PCDH10: variants seen among roughly 807,000 people sequenced by gnomAD.
PCDH10 encodes the protein protocadherin-10.
PCDH10 carries 15 observed loss-of-function variants against 74.4 expected under a neutral mutation model. The observed-to-expected ratio is 0.20, with a 90% CI of 0.13 to 0.31. PCDH10 has a LOEUF of 0.31. Among genes scored for constraint, PCDH10 ranks in the 10% least tolerant of loss-of-function variants. The pLI is 1.00. For synonymous variants in PCDH10, 619 were observed against 589.8 expected (o/e 1.05, Z -0.72); for missense variants, 1,260 against 1,390.2 (o/e 0.91, Z 1.49).
intron 4 of PCDH10, among the ~76,000 whole-genome samples, chr4:133,185,196 A>G (rs929338195): frequency 6.7e-6 from 1 of 148,720 alleles, no homozygotes; most frequent in Non-Finnish European, 1.5e-5. Context: ...AAATATATAT[A>G]TTTAAATTTA....
downstream of PCDH10, among the ~76,000 whole-genome samples, chr4:133,198,335 A>G (rs1727834275): frequency 6.6e-6 from 1 of 152,206 alleles, no homozygotes; most frequent in Admixed American, 6.5e-5. Flanking sequence ...TGTGTGTGAG[A>G]GTTATATTTT....
chr4:133,155,130 C>A, intron 3 of PCDH10, 107 bp downstream of exon 3: 1 of 723,378 alleles, frequency 1.4e-6, no homozygotes, highest in Non-Finnish European at 2.5e-6. Flanking sequence ...AGGTCTAATG[C>A]TGGTAACTCT....
chr4:133,173,768 A>G (rs1420107561), intron 4 of PCDH10, among the ~76,000 whole-genome samples: 6 of 151,614 alleles, frequency 4.0e-5, no homozygotes, highest in African/African-American at 1.5e-4. Context: ...TTGAATTGCA[A>G]TGGAGAATGA....
chr4:133,199,403 A>AATCT (rs2125876982), downstream of PCDH10, among the ~76,000 whole-genome samples: 1 of 151,370 alleles, frequency 6.6e-6, no homozygotes, highest in East Asian at 1.9e-4. Flanking sequence ...GACTACTGTG[A>AATCT]ATCTCTAGGT....
At chr4:133,153,263 C>T (rs1328808848) in intron 1 of PCDH10, 1 of 1,010,614 alleles carries the variant, frequency 9.9e-7, no homozygotes, top group East Asian at 1.1e-4. Context: ...AGTTGTCTAA[C>T]CTCGAATTCA....
At chr4:133,207,741 G>C (rs1011703614) in intron 2 of PCDH10, among the ~76,000 whole-genome samples, 1 of 152,130 alleles carries the variant, frequency 6.6e-6, no homozygotes, top group Non-Finnish European at 1.5e-5. Context: ...TTGTGTAGTA[G>C]AATTACTTTT....
chr4:133,166,096 C>A (rs923049283), intron 4 of PCDH10, among the ~76,000 whole-genome samples: 5 of 151,566 alleles, frequency 3.3e-5, no homozygotes, highest in Non-Finnish European at 4.4e-5. Context: ...TGAGCACTTT[C>A]TGAGCTTGCT....
downstream of PCDH10, among the ~76,000 whole-genome samples, chr4:133,195,534 A>C (rs1178939893): frequency 6.6e-6 from 1 of 152,120 alleles, no homozygotes; most frequent in Admixed American, 6.6e-5. Flanking sequence ...ATGAATTTTC[A>C]GTGGTAAAAT....
Position 133,194,488 on chromosome 4 carries a change from C to A in PCDH10, c.*4328C>A, listed in dbSNP as rs1215926257. The A allele has an allele frequency of 6.6e-6, 1 of 151,768 alleles. No homozygotes were observed. Among genetic ancestry groups the A allele is most frequent in the Admixed American group, 6.6e-5 (1 of 15,202 alleles). The allele number at this position is 151,768 out of a possible 1,614,324, so 9.4% of individuals were successfully genotyped here. ...ATTATAACAAAAGATGAGTTTCAAT[C>A]TTAACTACAGTGTTTGTTACTGTGA... On this transcript the variant is annotated 3_prime_UTR_variant, in exon 5 of 5. Transcript: ENST00000264360.
intron 4 of PCDH10, among the ~76,000 whole-genome samples, chr4:133,180,093 T>C (rs1727382486): frequency 6.6e-6 from 1 of 152,120 alleles, no homozygotes; most frequent in Non-Finnish European, 1.5e-5. Flanking sequence ...CTAGTTATTT[T>C]ATTCTTTCTT....
At chr4:133,186,923 T>G (rs75914437) in intron 4 of PCDH10, among the ~76,000 whole-genome samples, 10,517 of 152,122 alleles carry the variant, frequency 0.069, 1,013 homozygotes, top group African/African-American at 0.22. Flanking sequence ...TTGACATGTT[T>G]GTCAGGCTGG....
intron 4 of PCDH10, among the ~76,000 whole-genome samples, chr4:133,185,223 T>G (rs1727519936): frequency 6.7e-6 from 1 of 149,806 alleles, no homozygotes; most frequent in South Asian, 2.1e-4. Flanking sequence ...AATCTATTCA[T>G]ACTTTCTGGG....
downstream of PCDH10, among the ~76,000 whole-genome samples, chr4:133,197,830 A>G (rs1411321092): frequency 2.0e-5 from 3 of 152,150 alleles, no homozygotes; most frequent in African/African-American, 4.8e-5. Context: ...AAGTGTTGGC[A>G]TGGTGAATTG....
Position 133,191,502 on chromosome 4 carries a change from G to T in PCDH10, c.*1342G>T, listed in dbSNP as rs1727668444. 6.6e-6 allele frequency: 1 copy of T among 152,098 alleles called. No homozygotes were observed. Among genetic ancestry groups the T allele is most frequent in the African/African-American group, 2.4e-5 (1 of 41,396 alleles). 9.4% of individuals were successfully genotyped at this position (152,098 alleles called of 1,614,324 possible). A position where few individuals can be genotyped will look rare whatever the true frequency, so the allele number is the denominator to read the frequency against. On this transcript the variant is annotated 3_prime_UTR_variant, in exon 5 of 5. Coordinates refer to ENST00000264360, the MANE Select transcript of PCDH10 (RefSeq NM_032961.3). ...TTTGATTAATGAAAAAATTCTTCAT[G>T]AGTCAGCCTTCAAAAGTTAAGCTTG...
Position 133,152,410 on chromosome 4 carries a change from G to C in PCDH10, c.2270G>C (p.Cys757Ser), listed in dbSNP as rs776905297. The C allele has an allele frequency of 1.2e-6, 2 of 1,614,166 alleles. No individual in the cohort carries two copies. Among genetic ancestry groups the C allele is most frequent in the South Asian group, 1.1e-5 (1 of 91,084 alleles). ...TATACTTGTCTGGCCAGCGATTGCT[G>C]CCTCTGCTGCTGCTGCTGCGGTGGC... is the stretch of plus-strand genomic sequence containing the variant. ...NIYTCLASDCCLCCCCCGGGG... is the reference protein window; with the variant it reads ...NIYTCLASDCSLCCCCCGGGG... The change falls in exon 1 of 5, where the codon TGC becomes TCC. Residue 757 changes from cysteine to serine, a missense_variant. Cys to Ser is a moderately radical substitution (Grantham distance 112). Transcript: ENST00000264360.
At chr4:133,183,842 A>C (rs71616772) in intron 4 of PCDH10, among the ~76,000 whole-genome samples, 3,213 of 152,198 alleles carry the variant, frequency 0.021, 134 homozygotes, top group East Asian at 0.17. Flanking sequence ...CTAGAACGAG[A>C]ATGTCTATGA....
chr4:133,190,030 A>T (rs1727626446), intron 4 of PCDH10, 111 bp from the exon 5 acceptor site: 1 of 855,886 alleles, frequency 1.2e-6, no homozygotes, highest in African/African-American at 1.7e-5. Context: ...TGTGTTTGGT[A>T]TGAGGGTACA....
intron 3 of PCDH10, among the ~76,000 whole-genome samples, chr4:133,156,289 C>G (rs1209163262): frequency 6.6e-6 from 1 of 152,178 alleles, no homozygotes; most frequent in African/African-American, 2.4e-5. Context: ...TTGGGAAACC[C>G]AGGCAGGAGG....
At chr4:133,152,835 G>A (rs1430982580) in intron 1 of PCDH10, 64 bp downstream of exon 1, 3 of 1,602,710 alleles carry the variant, frequency 1.9e-6, no homozygotes, top group African/African-American at 2.7e-5. Flanking sequence ...CCTCTAGCCC[G>A]GCCCTTGTAT....
Sources: gnomAD v4.1 joint callset for allele counts (sites outside exome capture counted in the v4.1 genomes callset) on GRCh38, gnomAD v4.1.1 for gene constraint, MANE v1.5 for transcripts, NCBI Gene and HGNC (gene_info 2026-07-23, HGNC 2026-07-21) for gene names.